GMDS: variants seen among roughly 807,000 people sequenced by gnomAD.
GMDS encodes GDP-mannose 4,6-dehydratase.
A neutral mutation model predicts 49.9 loss-of-function variants in GMDS; 20 were observed. The observed-to-expected ratio is 0.40, with a 90% CI of 0.28 to 0.58. The LOEUF (loss-of-function observed/expected upper bound fraction) is 0.58, where lower values mean the gene tolerates loss of function less well. GMDS is among the 20% of genes least tolerant of loss of function. The probability of loss-of-function intolerance (pLI) is 0.42; values close to 1 mark genes in which losing one functional copy is unlikely to be tolerated. For missense variants in GMDS, 362 were observed against 481.4 expected (o/e 0.75, Z 2.32); for synonymous variants, 177 against 178.6 (o/e 0.99, Z 0.07).
chr6:2,017,891 T>C (rs1017612829), intron 4 of GMDS, among the ~76,000 whole-genome samples: 14 of 152,226 alleles, frequency 9.2e-5, no homozygotes, highest in African/African-American at 3.4e-4. Flanking sequence ...AGCCATATTG[T>C]CACCAGGTCA....
At chr6:1,997,269 G>A (rs1389044240) in intron 4 of GMDS, among the ~76,000 whole-genome samples, 1 of 152,008 alleles carries the variant, frequency 6.6e-6, no homozygotes, top group Non-Finnish European at 1.5e-5. Context: ...CAGCACTTTG[G>A]GAGGCCAAGG....
At chr6:2,104,644 T>C (rs73414530) in intron 4 of GMDS, among the ~76,000 whole-genome samples, 4,707 of 152,236 alleles carry the variant, frequency 0.031, 112 homozygotes, top group South Asian at 0.086. Flanking sequence ...TCTTTCTCTG[T>C]GAAGCAAATT....
At chr6:2,163,871 C>T (rs1038516303) in intron 1 of GMDS, among the ~76,000 whole-genome samples, 1 of 152,186 alleles carries the variant, frequency 6.6e-6, no homozygotes, top group Non-Finnish European at 1.5e-5. Flanking sequence ...ACGAAAGCAA[C>T]CACAGAGCTC....
chr6:2,159,514 C>CTTTTT (rs1157303919), intron 1 of GMDS, among the ~76,000 whole-genome samples: 26 of 108,178 alleles, frequency 2.4e-4, no homozygotes, highest in Non-Finnish European at 3.5e-4. Context: ...TTCTTTTTTT[C>CTTTTT]TTTTTTTTTT....
At chr6:2,038,336 G>T (rs1769427579) in intron 4 of GMDS, among the ~76,000 whole-genome samples, 1 of 152,174 alleles carries the variant, frequency 6.6e-6, no homozygotes. Context: ...AAAGTGCTTT[G>T]ATAAGCAAAC....
intron 4 of GMDS, among the ~76,000 whole-genome samples, chr6:2,024,275 G>A (rs890416265): frequency 2.6e-5 from 4 of 152,032 alleles, no homozygotes; most frequent in African/African-American, 9.7e-5. Flanking sequence ...TAACTCACAC[G>A]CCTTCACAGA....
chr6:1,776,892 C>T (rs1281890926), intron 7 of GMDS, among the ~76,000 whole-genome samples: 3 of 152,112 alleles, frequency 2.0e-5, no homozygotes, highest in African/African-American at 7.2e-5. Context: ...ACTCTTCTCC[C>T]CCAAGATCTG....
At chr6:2,171,882 A>G (rs754074144) in intron 1 of GMDS, among the ~76,000 whole-genome samples, 28 of 152,226 alleles carry the variant, frequency 1.8e-4, no homozygotes, top group Middle Eastern at 3.2e-3. Flanking sequence ...GGAAACTAAA[A>G]TGTCAACAGA....
intron 1 of GMDS, among the ~76,000 whole-genome samples, chr6:2,130,667 G>T (rs1775684925): frequency 2.0e-5 from 3 of 152,112 alleles, no homozygotes. Context: ...CTTGATATTG[G>T]TCTACCATGG....
chr6:2,169,921 T>A (rs1214710241), intron 1 of GMDS, among the ~76,000 whole-genome samples: 2 of 152,098 alleles, frequency 1.3e-5, no homozygotes, highest in Non-Finnish European at 2.9e-5. Context: ...AAAAGAGGAC[T>A]GGCTGGGCGC....
Position 1,836,671 on chromosome 6 carries a change from T to C in GMDS, c.771+93432A>G, listed in dbSNP as rs1166678016. On this transcript the variant is annotated intron_variant, in intron 7 of 10. Coordinates refer to ENST00000380815, the MANE Select transcript of GMDS (RefSeq NM_001500.4). This position sits in a 1 kb window ranked among gnomAD's most constrained non-coding sequence, Gnocchi z 4.2. ...AGAAGCGGCTGATGAACTGGTTACA[T>C]TAACATGTGTTTCTTCACTGAATTT... is the stretch of plus-strand genomic sequence containing the variant. 6.6e-6 allele frequency among the ~76,000 whole-genome samples: 1 copy of C among 152,256 alleles called. No homozygotes were observed. Among genetic ancestry groups the C allele is most frequent in the African/African-American group, 2.4e-5 (1 of 41,478 alleles).
At chr6:1,783,611 T>G (rs1023063979) in intron 7 of GMDS, among the ~76,000 whole-genome samples, 3 of 152,234 alleles carry the variant, frequency 2.0e-5, no homozygotes, top group Admixed American at 1.3e-4. Context: ...CTGAATAAAT[T>G]TAACCTTTCC....
At chr6:1,660,905 G>C (rs1459507642) in intron 9 of GMDS, among the ~76,000 whole-genome samples, 1 of 151,376 alleles carries the variant, frequency 6.6e-6, no homozygotes, top group African/African-American at 2.4e-5. Flanking sequence ...GTTTGTAAAT[G>C]AATCACAGCT....
intron 1 of GMDS, among the ~76,000 whole-genome samples, chr6:2,200,547 T>C (rs1040973169): frequency 3.3e-5 from 4 of 121,016 alleles, no homozygotes; most frequent in Admixed American, 9.0e-5. Flanking sequence ...AGCAGAGAGG[T>C]GAAGGATGAA....
chr6:1,915,881 A>C (rs1425878560), intron 7 of GMDS, among the ~76,000 whole-genome samples: 2 of 152,242 alleles, frequency 1.3e-5, no homozygotes, highest in African/African-American at 2.4e-5. Context: ...GACTAACTGG[A>C]TATTTTAATT....
At chr6:1,829,881 G>C (rs1317473736) in intron 7 of GMDS, among the ~76,000 whole-genome samples, 2 of 152,148 alleles carry the variant, frequency 1.3e-5, no homozygotes, top group African/African-American at 4.8e-5. Context: ...ATCACCCTCT[G>C]TGTGCTATGT....
chr6:2,035,123 C>T (rs763039704), intron 4 of GMDS, among the ~76,000 whole-genome samples: 2 of 152,194 alleles, frequency 1.3e-5, no homozygotes, highest in African/African-American at 4.8e-5. Context: ...CATCACATTG[C>T]TCCACAATTC....
intron 4 of GMDS, among the ~76,000 whole-genome samples, chr6:1,988,892 C>A (rs1030127697): frequency 9.2e-5 from 14 of 151,802 alleles, no homozygotes; most frequent in African/African-American, 3.1e-4. Flanking sequence ...AAGAAAACCC[C>A]AGGTTGATCT....
At chr6:2,165,734 C>CA (rs1371412702) in intron 1 of GMDS, among the ~76,000 whole-genome samples, 1 of 152,098 alleles carries the variant, frequency 6.6e-6, no homozygotes, top group Non-Finnish European at 1.5e-5. Context: ...ATATATTAGA[C>CA]AACAGAATAT....
Sources: gnomAD v4.1 joint callset for allele counts (sites outside exome capture counted in the v4.1 genomes callset) on GRCh38, gnomAD v4.1.1 for gene constraint, Gnocchi (gnomAD v3.1) non-coding constraint, MANE v1.5 for transcripts, NCBI Gene and HGNC (gene_info 2026-07-23, HGNC 2026-07-21) for gene names.